Variants in TLK2 observed in about 807,000 individuals in gnomAD.
TLK2 encodes serine/threonine-protein kinase tousled-like 2.
A neutral mutation model predicts 117.3 loss-of-function variants in TLK2; 6 were observed. The observed-to-expected ratio is 0.05, with a 90% confidence interval of 0.03 to 0.10. The LOEUF (loss-of-function observed/expected upper bound fraction) is 0.10, where lower values mean the gene tolerates loss of function less well. TLK2 is among the 10% of genes least tolerant of loss of function. The pLI is 1.00. For synonymous variants in TLK2, 257 were observed against 316.7 expected (o/e 0.81, Z 2.00); for missense variants, 299 against 901.2 (o/e 0.33, Z 8.56).
rs558735626 is a variant in TLK2 at position 62,514,719 on chromosome 17, C to T, written c.82-6054C>T. Among the ~76,000 whole-genome samples the T allele has an allele frequency of 3.3e-5, 5 of 151,994 alleles. No homozygotes were observed. The South Asian group carries it at 8.3e-4, about 25-fold the overall frequency. On this transcript the variant is annotated intron_variant, in intron 2 of 21. Coordinates refer to ENST00000346027, the MANE Select transcript of TLK2 (RefSeq NM_006852.6). ...TCAGCTTCCTGAGTAGCTGGGATTA[C>T]AAGCGCCCGCCACCACACCCAGCTA...
intron 2 of TLK2, among the ~76,000 whole-genome samples, chr17:62,504,795 G>A (rs2074523974): frequency 6.6e-6 from 1 of 152,118 alleles, no homozygotes; most frequent in South Asian, 2.1e-4. Context: ...GCGACAGAGT[G>A]AGACCTTATC....
rs1007934201 is a variant in TLK2, at chr17:62,553,594, T to A, written c.628-69T>A. The A allele has an allele frequency of 4.7e-6, 5 of 1,060,634 alleles. No homozygotes were observed. In the African/African-American group the frequency reaches 4.8e-5, roughly 10 times the overall value. The allele number at this position is 1,060,634 out of a possible 1,614,324, so 65.7% of individuals were successfully genotyped here. A position where few individuals can be genotyped will look rare whatever the true frequency, so the allele number is the denominator to read the frequency against. ...TTTCCCACCCCCCCGAGAAAGGTAATGAGAAGAGTGTGATGACATATAACA... is the reference window on the plus strand; with the variant it reads ...TTTCCCACCCCCCCGAGAAAGGTAAAGAGAAGAGTGTGATGACATATAACA... On this transcript the variant is annotated intron_variant, in intron 8 of 21. Coordinates refer to ENST00000346027, the MANE Select transcript of TLK2 (RefSeq NM_006852.6).
chr17:62,498,485 G>A (rs1341167097), intron 2 of TLK2, among the ~76,000 whole-genome samples: 3 of 151,634 alleles, frequency 2.0e-5, no homozygotes, highest in Admixed American at 2.0e-4. Context: ...TGCCTCCTGG[G>A]CTCAAGCGAT....
intron 11 of TLK2, among the ~76,000 whole-genome samples, chr17:62,572,202 T>C (rs8077193): frequency 6.6e-6 from 1 of 151,784 alleles, no homozygotes; most frequent in Non-Finnish European, 1.5e-5. Context: ...AAAGATTTAT[T>C]ATTCCACAAA....
At chr17:62,504,413 A>G (rs2074487304) in intron 2 of TLK2, among the ~76,000 whole-genome samples, 1 of 152,304 alleles carries the variant, frequency 6.6e-6, no homozygotes, top group Admixed American at 6.5e-5. Context: ...TCCTACACCT[A>G]TTTGACTTTA....
At chr17:62,596,468 G>A in intron 16 of TLK2, 117 bp from the exon 17 acceptor site, 2 of 759,120 alleles carry the variant, frequency 2.6e-6, no homozygotes, top group South Asian at 3.4e-5. Flanking sequence ...AGATGGACCT[G>A]AATGGAATTA....
intron 2 of TLK2, among the ~76,000 whole-genome samples, chr17:62,506,692 A>G (rs1475989779): frequency 6.6e-6 from 1 of 151,730 alleles, no homozygotes; most frequent in African/African-American, 2.4e-5. Flanking sequence ...TGTTTTCTTT[A>G]CTGTGAATGT....
Position 62,553,657 on chromosome 17 carries a change from C to G in TLK2, c.628-6C>G, listed in dbSNP as rs2078640743. The stretch of plus-strand genomic sequence containing the variant: ...TCCTAAATTTGTTTTACCTTTGTCT[C>G]TGTAGTCCGACCTCACAATAGAAAA... On this transcript the variant is annotated splice_polypyrimidine_tract_variant and splice_region_variant and intron_variant, in intron 8 of 21. Transcript: ENST00000346027. The G allele has an allele frequency of 6.2e-7, 1 of 1,604,408 alleles. No homozygotes were observed. The highest frequency in any genetic ancestry group is 1.3e-5 in the African/African-American group (1 of 74,462).
intron 2 of TLK2, among the ~76,000 whole-genome samples, chr17:62,506,969 G>A (rs1292679058): frequency 2.6e-5 from 4 of 152,140 alleles, no homozygotes. Flanking sequence ...AATGAGAACT[G>A]TAATAGCTCA....
intron 2 of TLK2, chr17:62,516,764 A>C: frequency 6.5e-7 from 1 of 1,545,208 alleles, no homozygotes; most frequent in Non-Finnish European, 8.9e-7. Flanking sequence ...TTAGGCATCA[A>C]CATCTCTGCA....
chr17:62,519,250 A>C (rs1026045698), intron 2 of TLK2, among the ~76,000 whole-genome samples: 2 of 152,152 alleles, frequency 1.3e-5, no homozygotes, highest in Non-Finnish European at 2.9e-5. Flanking sequence ...GCCTGTGGCT[A>C]TCTACTCCTG....
At chr17:62,486,451 C>T (rs1213011034) in intron 2 of TLK2, among the ~76,000 whole-genome samples, 2 of 152,204 alleles carry the variant, frequency 1.3e-5, no homozygotes, top group African/African-American at 4.8e-5. Flanking sequence ...TGAGCCACCG[C>T]GCCTGGCCTG....
At chr17:62,589,093 T>A (rs2081880497) in intron 16 of TLK2, among the ~76,000 whole-genome samples, 1 of 152,234 alleles carries the variant, frequency 6.6e-6, no homozygotes, top group East Asian at 1.9e-4. Context: ...TTTTGAATTT[T>A]GTTCTGTCAC....
At chr17:62,476,010 C>T (rs1004392246), upstream of TLK2, among the ~76,000 whole-genome samples, 3 of 151,690 alleles carry the variant, frequency 2.0e-5, no homozygotes, top group Non-Finnish European at 4.4e-5. Context: ...CAGGGTCTCA[C>T]TCTGTCACCC....
At chr17:62,494,371 C>T (rs914825798) in intron 2 of TLK2, among the ~76,000 whole-genome samples, 6 of 152,174 alleles carry the variant, frequency 3.9e-5, no homozygotes, top group African/African-American at 4.8e-5. Context: ...GCATCAGCCA[C>T]CATGCCCAGC....
chr17:62,571,020 T>C (rs968634689), intron 11 of TLK2, among the ~76,000 whole-genome samples: 2 of 152,116 alleles, frequency 1.3e-5, no homozygotes, highest in East Asian at 1.9e-4. Context: ...CTGAAAAGGG[T>C]AGAAATGAGC....
chr17:62,481,258 T>C (rs777416664), intron 2 of TLK2, 52 bp downstream of exon 2: 42 of 1,599,736 alleles, frequency 2.6e-5, no homozygotes, highest in Non-Finnish European at 3.4e-5. Context: ...TTAAACACAT[T>C]TTTTAAATGA....
chr17:62,568,731 C>T (rs993315293), intron 11 of TLK2, among the ~76,000 whole-genome samples: 4 of 151,830 alleles, frequency 2.6e-5, no homozygotes, highest in Admixed American at 6.6e-5. Flanking sequence ...ATTACAGGTG[C>T]CCACCACTAT....
intron 16 of TLK2, among the ~76,000 whole-genome samples, chr17:62,592,379 T>A (rs1333792456): frequency 6.6e-6 from 1 of 152,238 alleles, no homozygotes; most frequent in Admixed American, 6.5e-5. Flanking sequence ...ATGAAATGAT[T>A]TAAACTAGAA....
Sources: allele counts gnomAD v4.1 joint callset (sites outside exome capture counted in the v4.1 genomes callset), GRCh38; gene constraint gnomAD v4.1.1; transcripts MANE v1.5; gene names NCBI Gene and HGNC (gene_info 2026-07-23, HGNC 2026-07-21).